MAGI1: variants seen among roughly 807,000 people sequenced by gnomAD.
The protein encoded by MAGI1 is membrane-associated guanylate kinase, WW and PDZ domain-containing protein 1.
MAGI1 carries 58 observed loss-of-function variants against 139.9 expected under a neutral mutation model. The ratio of observed to expected loss-of-function variants is 0.41; its 90% CI spans 0.34 to 0.52. The LOEUF (loss-of-function observed/expected upper bound fraction) is 0.52. Ranked by LOEUF, MAGI1 falls within the 20% of genes least tolerant of loss-of-function variation. The pLI, the probability that MAGI1 is intolerant of heterozygous loss-of-function variation, is 0.12. For synonymous variants in MAGI1, 812 were observed against 737.9 expected, an observed-to-expected ratio of 1.10 and a Z score of -1.63; for missense variants, 1,874 against 1,901.6, an observed-to-expected ratio of 0.99 and a Z score of 0.27.
intron 1 of MAGI1, among the ~76,000 whole-genome samples, chr3:65,783,803 C>CAAAAA (rs71102879): frequency 0.41 from 52,872 of 129,014 alleles, 11,333 homozygotes; most frequent in East Asian, 0.56. Context: ...CAGCCTGTAC[C>CAAAAA]AAAAAAAAAA....
chr3:65,884,664 T>C (rs568198770), intron 1 of MAGI1, among the ~76,000 whole-genome samples: 4 of 152,288 alleles, frequency 2.6e-5, no homozygotes, highest in Admixed American at 2.0e-4. Context: ...TGCATGATGC[T>C]GGGGTTTGGG....
At chr3:65,448,281 C>T (rs1948797887) in intron 6 of MAGI1, 2 of 591,628 alleles carry the variant, frequency 3.4e-6, no homozygotes, top group Non-Finnish European at 6.0e-6. Context: ...AATTACATGG[C>T]TCATTTCCTT....
At chr3:65,823,885 T>C (rs2042077312) in intron 1 of MAGI1, among the ~76,000 whole-genome samples, 1 of 152,120 alleles carries the variant, frequency 6.6e-6, no homozygotes, top group Non-Finnish European at 1.5e-5. Context: ...ATATGAGAGG[T>C]CATAGTGCAC....
Position 66,003,384 on chromosome 3 carries a change from G to A in MAGI1, c.313+34612C>T, listed in dbSNP as rs551398551. ...TAAAGAGGAGAGGCAGGACATGCAC[G>A]GTGGCTCATGCCTGTAATCCCAACA... On this transcript the variant is annotated intron_variant, in intron 1 of 22. Transcript: ENST00000402939. Among the ~76,000 whole-genome samples the A allele has an allele frequency of 5.3e-5, 8 of 152,124 alleles. No individual in the cohort carries two copies. In the South Asian group the frequency reaches 1.2e-3, roughly 24 times the overall value.
intron 2 of MAGI1, among the ~76,000 whole-genome samples, chr3:65,598,320 G>A (rs1298208305): frequency 6.6e-6 from 1 of 152,132 alleles, no homozygotes; most frequent in African/African-American, 2.4e-5. Flanking sequence ...ATGGAAAGGC[G>A]GGAAATAGGG....
chr3:65,542,494 A>T (rs528841365), intron 2 of MAGI1, among the ~76,000 whole-genome samples: 1 of 152,232 alleles, frequency 6.6e-6, no homozygotes, highest in Non-Finnish European at 1.5e-5. Flanking sequence ...ACACTACCTG[A>T]CTTCAAACTA....
intron 2 of MAGI1, among the ~76,000 whole-genome samples, chr3:65,496,146 A>ATC (rs2107680149): frequency 6.6e-6 from 1 of 151,738 alleles, no homozygotes; most frequent in South Asian, 2.1e-4. Flanking sequence ...GGCTCAAGAG[A>ATC]TCCTCTCACC....
chr3:65,618,128 G>C, intron 2 of MAGI1, among the ~76,000 whole-genome samples: 1 of 152,114 alleles, frequency 6.6e-6, no homozygotes, highest in East Asian at 1.9e-4. Flanking sequence ...AGCGAAATAG[G>C]AAAAAATAAT....
intron 1 of MAGI1, among the ~76,000 whole-genome samples, chr3:65,638,201 G>C (rs1444341642): frequency 6.6e-6 from 1 of 152,132 alleles, no homozygotes. Context: ...CTACCTGACA[G>C]GGCTGTCATG....
At chr3:65,695,391 G>A (rs1405027348) in intron 1 of MAGI1, among the ~76,000 whole-genome samples, 2 of 152,146 alleles carry the variant, frequency 1.3e-5, no homozygotes, top group African/African-American at 2.4e-5. Flanking sequence ...GGATACATGT[G>A]AACCAAAGGA....
intron 1 of MAGI1, among the ~76,000 whole-genome samples, chr3:65,993,245 T>TC (rs1029840661): frequency 1.3e-5 from 2 of 152,194 alleles, no homozygotes; most frequent in African/African-American, 4.8e-5. Context: ...TCATTTTCTT[T>TC]TTTTTGCTTT....
At chr3:65,842,191 T>C (rs572835945) in intron 1 of MAGI1, among the ~76,000 whole-genome samples, 2 of 152,130 alleles carry the variant, frequency 1.3e-5, no homozygotes, top group Non-Finnish European at 2.9e-5. Context: ...ACTGATCTTC[T>C]CTCCTGGGTG....
At chr3:66,025,654 G>GC (rs561928340) in intron 1 of MAGI1, among the ~76,000 whole-genome samples, 193 of 152,148 alleles carry the variant, frequency 1.3e-3, no homozygotes, top group Admixed American at 3.3e-3. Flanking sequence ...ATAAGAAAAA[G>GC]CCCCCCCATC....
rs1021576518 is a variant in MAGI1, at chr3:65,562,783, C to T, written c.430+59189G>A. ...CCAACACAAAAATGAGACCAGTAAACGATGAGTTAATTCTTGCACAAAGCA... is the reference window on the plus strand; with the variant it reads ...CCAACACAAAAATGAGACCAGTAAATGATGAGTTAATTCTTGCACAAAGCA... On this transcript the variant is annotated intron_variant, in intron 2 of 22. Coordinates refer to ENST00000402939, the MANE Select transcript of MAGI1 (RefSeq NM_001033057.2). Among the ~76,000 whole-genome samples the T allele has an allele frequency of 1.1e-4, 17 of 152,260 alleles. No individual in the cohort carries two copies. The East Asian group carries it at 1.4e-3, about 12-fold the overall frequency.
intron 5 of MAGI1, among the ~76,000 whole-genome samples, chr3:65,469,363 T>C (rs1950405338): frequency 6.6e-6 from 1 of 152,138 alleles, no homozygotes. Context: ...AGTGGTACAT[T>C]AAAACATGGT....
intron 1 of MAGI1, among the ~76,000 whole-genome samples, chr3:65,917,789 A>C (rs1236091059): frequency 6.6e-6 from 1 of 152,186 alleles, no homozygotes; most frequent in Non-Finnish European, 1.5e-5. Flanking sequence ...GGGGAGATAA[A>C]TAAGTAGAGC....
intron 1 of MAGI1, among the ~76,000 whole-genome samples, chr3:65,988,332 C>T (rs552160666): frequency 2.0e-5 from 3 of 152,290 alleles, no homozygotes; most frequent in East Asian, 3.9e-4. Context: ...GTGCTGTTGA[C>T]AATGTTGGCG....
intron 12 of MAGI1, among the ~76,000 whole-genome samples, chr3:65,420,535 T>C (rs1480022570): frequency 6.6e-6 from 1 of 152,216 alleles, no homozygotes; most frequent in Non-Finnish European, 1.5e-5. Context: ...ATCAGGAGCC[T>C]GTTTGTTTCA....
intron 5 of MAGI1, among the ~76,000 whole-genome samples, chr3:65,459,683 G>A (rs1394500706): frequency 6.6e-6 from 1 of 152,186 alleles, no homozygotes; most frequent in Non-Finnish European, 1.5e-5. Flanking sequence ...AGCACTTTGG[G>A]TGGCTGAGGC....
Sources: allele counts gnomAD v4.1 joint callset (sites outside exome capture counted in the v4.1 genomes callset), GRCh38; gene constraint gnomAD v4.1.1; transcripts MANE v1.5; gene names NCBI Gene and HGNC (gene_info 2026-07-23, HGNC 2026-07-21).